TAS2R13: variants seen among roughly 807,000 people sequenced by gnomAD.
The protein encoded by TAS2R13 is taste receptor type 2 member 13.
For missense variants in TAS2R13, 384 were observed against 347.5 expected, an observed-to-expected ratio of 1.11 and a Z score of -0.84; for synonymous variants, 129 against 125.5, an observed-to-expected ratio of 1.03 and a Z score of -0.19.
At chr12:10,909,101 C>T in the TAS2R13 span, 1 of 1,613,586 alleles carries the variant, frequency 6.2e-7, no homozygotes, top group Non-Finnish European at 8.5e-7. Context: ...GAGCTAAAAA[C>T]CAACTTACTA....
chr12:10,909,217 C>T lies in TAS2R13; in HGVS notation c.82G>A (p.Val28Ile), dbSNP rs1949858036. ...ACCCAGTCAATGCAGTTGATCAGTA[C>T]TATAAATCCATTGCTCAAATTCCCA... is the stretch of plus-strand genomic sequence containing the variant. ...IIGNLSNGFI[V>I]LINCIDWVSK... Residue 28 changes from valine (V) to isoleucine (I), a missense_variant, in exon 1 of 1, where the codon GTA becomes ATA. Physicochemically the swap from Val to Ile is conservative, Grantham distance 29. Coordinates refer to ENST00000390677, the MANE Select transcript of TAS2R13 (RefSeq NM_023920.2). 2 of 1,613,638 alleles carry T rather than the reference C, an allele frequency of 1.2e-6. No homozygotes were observed. The highest frequency in any genetic ancestry group is 1.7e-6 in the Non-Finnish European group (2 of 1,179,708).
chr12:10,909,176 C>G lies in TAS2R13; in HGVS notation c.123G>C (p.Leu41=), dbSNP rs752675025. 6.2e-7 allele frequency: 1 copy of G among 1,613,952 alleles called. No individual in the cohort carries two copies. Residue 41 remains leucine, a synonymous_variant, in exon 1 of 1, where the codon CTG becomes CTC. Coordinates refer to ENST00000390677, the MANE Select transcript of TAS2R13 (RefSeq NM_023920.2). ...TAATGAGGAGTTTATCGACTGAGGA[C>G]AGCTCTCTTTTACTGACCCAGTCAA... ...NCIDWVSKRE[L]SSVDKLLIIL...
Position 10,908,641 on chromosome 12 carries a change from T to C in TAS2R13, c.658A>G (p.Arg220Gly), listed in dbSNP as rs1400846862. The C allele has an allele frequency of 1.9e-6, 3 of 1,613,922 alleles. No homozygotes were observed. Among genetic ancestry groups the C allele is most frequent in the African/African-American group, 2.7e-5 (2 of 74,928 alleles). The stretch of plus-strand genomic sequence containing the variant: ...GTATGGACCTTGGTCCTGGGGTCTC[T>C]GTGTCCTTTGTAATTGAGTTGCATT... ...QKMQLNYKGH[R>G]DPRTKVHTNA... Residue 220 changes from arginine (R) to glycine (G), a missense_variant, in exon 1 of 1, where the codon AGA becomes GGA. By Grantham distance (125) the Arg-to-Gly change is moderately radical. Transcript: ENST00000390677.
rs1402985137 is a variant in TAS2R13 at position 10,909,157 on chromosome 12, G to A, written c.142C>T (p.Leu48Phe). Residue 48 changes from leucine to phenylalanine, a missense_variant, in exon 1 of 1, where the codon CTC (leucine) becomes TTC (phenylalanine). Physicochemically the swap from Leu to Phe is conservative, Grantham distance 22. Transcript: ENST00000390677. ...KRELSSVDKL[L>F]IILAISRIGL... ...ATTCTGGAGATTGCCAAGATAATGA[G>A]GAGTTTATCGACTGAGGACAGCTCT... The A allele has an allele frequency of 5.6e-6, 9 of 1,613,974 alleles. No homozygotes were observed. Among genetic ancestry groups the A allele is most frequent in the African/African-American group, 1.3e-5 (1 of 75,046 alleles).
At position 10,909,277 on chromosome 12, in the gene TAS2R13, T is replaced by C. The variant is rs1438896804; in HGVS notation, c.22A>G (p.Ile8Val). The C allele has an allele frequency of 4.3e-6, 7 of 1,612,890 alleles. No individual in the cohort carries two copies. The highest frequency in any genetic ancestry group is 5.9e-6 in the Non-Finnish European group (7 of 1,179,198). MESALPS[I>V]FTLVIIAEFI... ...TCTGCAATTATTACAAGAGTGAAGA[T>C]ACTCGGCAGGGCACTTTCCATGTCA... is the stretch of plus-strand genomic sequence containing the variant. The change falls in exon 1 of 1, where the codon ATC becomes GTC. Residue 8 changes from isoleucine to valine, a missense_variant. Physicochemically the swap from Ile to Val is conservative, Grantham distance 29. Transcript: ENST00000390677.
chr12:10,908,583 A>C, the TAS2R13 span: 1 of 1,614,008 alleles, frequency 6.2e-7, no homozygotes, highest in Non-Finnish European at 8.5e-7. Context: ...AGCATAGAAT[A>C]AAAGGAATGA....
Position 10,909,059 on chromosome 12 carries a change from T to C in TAS2R13, c.240A>G (p.Thr80=), listed in dbSNP as rs750225387. ...AGCTAAAAATCATAATTCTTAATCC[T>C]GTTCCAGACACAAATATGGCTAGAT... ...LHYLAIFVSG[T]GLRIMIFSWI... is the part of the protein sequence containing the mutation. The change falls in exon 1 of 1, where the codon ACA becomes ACG. Residue 80 remains threonine (T), a synonymous_variant. Transcript: ENST00000390677. 8 of 1,613,654 alleles carry C rather than the reference T, an allele frequency of 5.0e-6. No individual in the cohort carries two copies. The South Asian group carries it at 6.6e-5, about 13-fold the overall frequency.
Position 10,909,030 on chromosome 12 carries a change from A to G in TAS2R13, c.269T>C (p.Ile90Thr), listed in dbSNP as rs1234679664. ...CCAGAGATTGAAGTGATTAGAAACTATCCAGCTAAAAATCATAATTCTTAA... is the reference window on the plus strand; with the variant it reads ...CCAGAGATTGAAGTGATTAGAAACTGTCCAGCTAAAAATCATAATTCTTAA... The part of the protein sequence containing the change: ...TGLRIMIFSW[I>T]VSNHFNLWLA... The change falls in exon 1 of 1, where the codon ATA becomes ACA. Residue 90 changes from isoleucine (I) to threonine (T), a missense_variant. Ile to Thr is a moderately conservative substitution (Grantham distance 89). Transcript: ENST00000390677. 3.1e-6 allele frequency: 5 copies of G among 1,613,590 alleles called. No homozygotes were observed. The highest frequency in any genetic ancestry group is 3.3e-5 in the Admixed American group (2 of 59,940).
In TAS2R13 at chr12:10,909,455, A is replaced by G. The variant is rs1487560659; in HGVS notation, c.-157T>C. On this transcript the variant is annotated 5_prime_UTR_variant, in exon 1 of 1. Coordinates refer to ENST00000390677, the MANE Select transcript of TAS2R13 (RefSeq NM_023920.2). ...GCTCAACGTCAAAGCAGAAATCTCTAAAGTTTGCTGATCGATCTTCACATA... is the reference window on the plus strand; with the variant it reads ...GCTCAACGTCAAAGCAGAAATCTCTGAAGTTTGCTGATCGATCTTCACATA... 13 of 605,662 alleles carry G rather than the reference A, an allele frequency of 2.1e-5. No homozygotes were observed. The highest frequency in any genetic ancestry group is 3.3e-5 in the Non-Finnish European group (11 of 338,312). 37.5% of individuals were successfully genotyped at this position (605,662 alleles called of 1,614,324 possible).
In TAS2R13 at chr12:10,909,429, G is replaced by T; in HGVS notation, c.-131C>A. The T allele has an allele frequency of 1.6e-6, 1 of 644,428 alleles. No homozygotes were observed. Among genetic ancestry groups the T allele is most frequent in the South Asian group, 2.2e-5 (1 of 46,498 alleles). The allele number at this position is 644,428 out of a possible 1,614,324, so 39.9% of individuals were successfully genotyped here. On this transcript the variant is annotated 5_prime_UTR_variant, in exon 1 of 1. Transcript: ENST00000390677. ...TTTTTCTGCTCCTTCTTTCATTGTT[G>T]GCTCAACGTCAAAGCAGAAATCTCT...
Position 10,908,585 on chromosome 12 carries a change from A to G in TAS2R13, c.714T>C (p.Leu238=). Residue 238 remains leucine, a synonymous_variant, in exon 1 of 1, where the codon CTT becomes CTC. Coordinates refer to ENST00000390677, the MANE Select transcript of TAS2R13 (RefSeq NM_023920.2). ...ATAGAAAGAAACTAGCATAGAATAA[A>G]AGGAATGAGATCACAATTTTCAAGG... The part of the protein sequence containing the change: ...TNALKIVISF[L]LFYASFFLCV... 6.2e-7 allele frequency: 1 copy of G among 1,614,038 alleles called. No individual in the cohort carries two copies. Among genetic ancestry groups the G allele is most frequent in the Non-Finnish European group, 8.5e-7 (1 of 1,179,944 alleles).
chr12:10,908,428 C>A lies in TAS2R13; in HGVS notation c.871G>T (p.Ala291Ser). The A allele has an allele frequency of 6.2e-7, 1 of 1,613,410 alleles. No homozygotes were observed. Among genetic ancestry groups the A allele is most frequent in the East Asian group, 2.2e-5 (1 of 44,864 alleles). The change falls in exon 1 of 1, where the codon GCC (alanine) becomes TCC (serine). Residue 291 changes from alanine to serine, a missense_variant. Transcript: ENST00000390677. Reference sequence around the variant, plus strand: ...ACCTTAGCTGCCACCAAAAGAAAGGCCTGTCTTAACTTAGCGTTTCCTAGA... The same window carrying A: ...ACCTTAGCTGCCACCAAAAGAAAGGACTGTCTTAACTTAGCGTTTCCTAGA... ...LILGNAKLRQ[A>S]FLLVAAKVWA... is the part of the protein sequence containing the mutation.
In TAS2R13 at chr12:10,908,478, G is replaced by A. The variant is rs765620420; in HGVS notation, c.821C>T (p.Pro274Leu). Residue 274 changes from proline to leucine, a missense_variant, in exon 1 of 1, where the codon CCT (proline) becomes CTT (leucine). Pro to Leu is a moderately conservative substitution (Grantham distance 98). Coordinates refer to ENST00000390677, the MANE Select transcript of TAS2R13 (RefSeq NM_023920.2). ...MLCETIGVFS[P>L]SSHSFLLILG... ...AATCAGAAGAAAGGAGTGGCTTGAA[G>A]GAGAGAAGACTCCAATCGTCTCACA... 7.4e-6 allele frequency: 12 copies of A among 1,613,806 alleles called. No homozygotes were observed. The highest frequency in any genetic ancestry group is 8.5e-6 in the Non-Finnish European group (10 of 1,179,960).
chr12:10,908,926 T>C lies in TAS2R13; in HGVS notation c.373A>G (p.Arg125Gly). ...SSPAFLYLKW[R>G]VNKVILMILL... is the part of the protein sequence containing the mutation. ...ATCATCAGAATCACTTTGTTTACTC[T>C]CCACTTCAAATAGAGAAAAGCAGGG... is the stretch of plus-strand genomic sequence containing the variant. Residue 125 changes from arginine (R) to glycine (G), a missense_variant, in exon 1 of 1, where the codon AGA (arginine) becomes GGA (glycine). Transcript: ENST00000390677. 2 of 1,613,302 alleles carry C rather than the reference T, an allele frequency of 1.2e-6. No homozygotes were observed. Among genetic ancestry groups the C allele is most frequent in the Non-Finnish European group, 1.7e-6 (2 of 1,179,942 alleles).
chr12:10,908,718 G>C lies in TAS2R13; in HGVS notation c.581C>G (p.Ala194Gly). ...AATTAACAGGAGAAAAGAGATGAAG[G>C]CCACAGTAAATGGTGTTAGACTGAA... is the stretch of plus-strand genomic sequence containing the variant. ...TMFSLTPFTV[A>G]FISFLLLIFS... Residue 194 changes from alanine to glycine, a missense_variant, in exon 1 of 1, where the codon GCC (alanine) becomes GGC (glycine). Ala to Gly is a moderately conservative substitution (Grantham distance 60). Coordinates refer to ENST00000390677, the MANE Select transcript of TAS2R13 (RefSeq NM_023920.2). 6.2e-7 allele frequency: 1 copy of C among 1,613,404 alleles called. No individual in the cohort carries two copies. The highest frequency in any genetic ancestry group is 8.5e-7 in the Non-Finnish European group (1 of 1,179,532).
chr12:10,909,230 G>T lies in TAS2R13; in HGVS notation c.69C>A (p.Ser23Arg), dbSNP rs767672649. The T allele has an allele frequency of 6.5e-5, 105 of 1,613,404 alleles. No homozygotes were observed. Among genetic ancestry groups the T allele is most frequent in the Middle Eastern group, 1.6e-4 (1 of 6,082 alleles). ...IIAEFIIGNLSNGFIVLINCI... is the reference protein window; with the variant it reads ...IIAEFIIGNLRNGFIVLINCI... ...AGTTGATCAGTACTATAAATCCATT[G>T]CTCAAATTCCCAATTATGAATTCTG... is the stretch of plus-strand genomic sequence containing the variant. The change falls in exon 1 of 1, where the codon AGC becomes AGA. Residue 23 changes from serine (S) to arginine (R), a missense_variant. Transcript: ENST00000390677.
Position 10,908,086 on chromosome 12 carries a change from A to G in TAS2R13, c.*301T>C. 1 of 295,946 alleles carries G rather than the reference A, an allele frequency of 3.4e-6. No homozygotes were observed. The highest frequency in any genetic ancestry group is 6.1e-6 in the Non-Finnish European group (1 of 162,978). The allele number at this position is 295,946 out of a possible 1,614,324, so 18.3% of individuals were successfully genotyped here. On this transcript the variant is annotated 3_prime_UTR_variant, in exon 1 of 1. Transcript: ENST00000390677. ...GAGCCATTGCCAAACAAAAGATTGT[A>G]GATTTACAATTAACATCTAAGTATG...
At position 10,908,498 on chromosome 12, in the gene TAS2R13, C is replaced by T; in HGVS notation, c.801G>A (p.Glu267=). 1 of 1,613,920 alleles carries T rather than the reference C, an allele frequency of 6.2e-7. No homozygotes were observed. Among genetic ancestry groups the T allele is most frequent in the Non-Finnish European group, 8.5e-7 (1 of 1,179,938 alleles). ...TTGAAGGAGAGAAGACTCCAATCGTCTCACAAAGCATGTAGATCACTGTGT... is the reference window on the plus strand; with the variant it reads ...TTGAAGGAGAGAAGACTCCAATCGTTTCACAAAGCATGTAGATCACTGTGT... ...YQNTVIYMLC[E]TIGVFSPSSH... Residue 267 remains glutamate (E), a synonymous_variant, in exon 1 of 1, where the codon GAG becomes GAA. Coordinates refer to ENST00000390677, the MANE Select transcript of TAS2R13 (RefSeq NM_023920.2).
chr12:10,908,995 T>C lies in TAS2R13; in HGVS notation c.304A>G (p.Ile102Val), dbSNP rs1025088657. The stretch of plus-strand genomic sequence containing the variant: ...TTGAGCAAATAAAAGATGCTGAAGA[T>C]TGTAGCAAGCCAGAGATTGAAGTGA... The part of the protein sequence containing the change: ...SNHFNLWLAT[I>V]FSIFYLLKIA... The change falls in exon 1 of 1, where the codon ATC becomes GTC. Residue 102 changes from isoleucine (I) to valine (V), a missense_variant. Transcript: ENST00000390677. The C allele has an allele frequency of 3.1e-6, 5 of 1,613,646 alleles. No individual in the cohort carries two copies. In the African/African-American group the frequency reaches 6.7e-5, roughly 22 times the overall value.
Sources: allele counts gnomAD v4.1 joint callset, GRCh38; gene constraint gnomAD v4.1.1; transcripts MANE v1.5; gene names NCBI Gene and HGNC (gene_info 2026-07-23, HGNC 2026-07-21).